PCCA: variants seen among roughly 807,000 people sequenced by gnomAD.
PCCA encodes propionyl-CoA carboxylase alpha chain, mitochondrial.
A neutral mutation model predicts 101.3 loss-of-function variants in PCCA; 74 were observed. The ratio of observed to expected loss-of-function variants is 0.73; its 90% confidence interval spans 0.61 to 0.89. The LOEUF is 0.89. PCCA is among the 40% of genes least tolerant of loss of function. The pLI, the probability that PCCA is intolerant of heterozygous loss-of-function variation, is 0.00. For missense variants in PCCA, 891 were observed against 907.0 expected (o/e 0.98, Z 0.23); for synonymous variants, 294 against 313.6 (o/e 0.94, Z 0.66).
At chr13:100,255,872 C>T (rs191084743) in intron 8 of PCCA, among the ~76,000 whole-genome samples, 45 of 152,260 alleles carry the variant, frequency 3.0e-4, no homozygotes, top group African/African-American at 9.9e-4. Context: ...TTTCCCCTAC[C>T]ATCCTGCAGA....
chr13:100,150,955 T>G, intron 4 of PCCA: 1 of 1,518,874 alleles, frequency 6.6e-7, no homozygotes, highest in African/African-American at 1.4e-5. Flanking sequence ...GTCAGCGCGC[T>G]TTATCAGGCT....
In PCCA at chr13:100,413,285, G is replaced by A. The variant is rs186518533; in HGVS notation, c.1747-12348G>A. 5.6e-4 allele frequency among the ~76,000 whole-genome samples: 85 copies of A among 152,290 alleles called. 1 individual carries two copies. Among genetic ancestry groups the A allele is most frequent in the African/African-American group, 1.9e-3 (78 of 41,570 alleles). On this transcript the variant is annotated intron_variant, in intron 19 of 23. Coordinates refer to ENST00000376285, the MANE Select transcript of PCCA (RefSeq NM_000282.4). Reference sequence around the variant, plus strand: ...TGTGGGAATTAGGCAAAGGAAATACGTAGCCATTTTTATGGACGTCTTATA... The same window carrying A: ...TGTGGGAATTAGGCAAAGGAAATACATAGCCATTTTTATGGACGTCTTATA...
intron 21 of PCCA, among the ~76,000 whole-genome samples, chr13:100,487,038 C>T (rs2084435841): frequency 2.0e-5 from 3 of 152,174 alleles, no homozygotes; most frequent in Non-Finnish European, 4.4e-5. Flanking sequence ...TTATAATGAG[C>T]ATATCCCTTA....
At chr13:100,134,895 C>A (rs1489425902) in intron 4 of PCCA, among the ~76,000 whole-genome samples, 1 of 147,386 alleles carries the variant, frequency 6.8e-6, no homozygotes, top group Non-Finnish European at 1.5e-5. Flanking sequence ...ATATGCAGAT[C>A]CTGCACATGC....
intron 19 of PCCA, among the ~76,000 whole-genome samples, chr13:100,410,004 C>T (rs2077932664): frequency 6.6e-6 from 1 of 152,046 alleles, no homozygotes; most frequent in South Asian, 2.1e-4. Context: ...AAGTGATCCA[C>T]CCACCTCAGC....
At chr13:100,438,673 G>C (rs2080121088) in intron 20 of PCCA, among the ~76,000 whole-genome samples, 1 of 151,740 alleles carries the variant, frequency 6.6e-6, no homozygotes, top group African/African-American at 2.4e-5. Context: ...GCCAGTAACA[G>C]AGTGGGTTAT....
chr13:100,455,473 G>T (rs1264987639), intron 21 of PCCA, among the ~76,000 whole-genome samples: 1 of 152,030 alleles, frequency 6.6e-6, no homozygotes, highest in Non-Finnish European at 1.5e-5. Flanking sequence ...TTATATTCTG[G>T]AATCATCTGT....
rs565610828 is a variant in PCCA at position 100,525,808 on chromosome 13, A to G, written c.2041-1867A>G. Among the ~76,000 whole-genome samples, 9 of 152,234 alleles carry G rather than the reference A, an allele frequency of 5.9e-5. No homozygotes were observed. The East Asian group carries it at 1.5e-3, about 26-fold the overall frequency. ...GTCCTGGGCCCTCAGATGCCTGCAG[A>G]GGAAGGGCTGGGTGGGTGTTTGGGA... On this transcript the variant is annotated intron_variant, in intron 22 of 23. Coordinates refer to ENST00000376285, the MANE Select transcript of PCCA (RefSeq NM_000282.4).
At chr13:100,105,373 A>G (rs538472326) in intron 2 of PCCA, among the ~76,000 whole-genome samples, 2 of 152,182 alleles carry the variant, frequency 1.3e-5, no homozygotes, top group East Asian at 1.9e-4. Flanking sequence ...TTGCATTCCA[A>G]TCTCGAAGTA....
chr13:100,228,056 C>T (rs1186612886), intron 7 of PCCA, among the ~76,000 whole-genome samples: 1 of 152,008 alleles, frequency 6.6e-6, no homozygotes, highest in East Asian at 1.9e-4. Context: ...TGCTCTTTCA[C>T]CCAGGCTGGA....
chr13:100,369,042 G>C (rs758121076), intron 19 of PCCA, among the ~76,000 whole-genome samples: 2 of 152,124 alleles, frequency 1.3e-5, no homozygotes, highest in Non-Finnish European at 2.9e-5. Flanking sequence ...CTTGGATATA[G>C]GGTCCAAGAT....
At chr13:100,186,453 A>C (rs1003619532) in intron 6 of PCCA, among the ~76,000 whole-genome samples, 4 of 152,168 alleles carry the variant, frequency 2.6e-5, no homozygotes, top group Non-Finnish European at 4.4e-5. Context: ...TGGAAAGTAC[A>C]AAATAGGGGC....
intron 20 of PCCA, among the ~76,000 whole-genome samples, chr13:100,444,049 T>G (rs1402110887): frequency 6.6e-6 from 1 of 152,090 alleles, no homozygotes; most frequent in African/African-American, 2.4e-5. Context: ...TGACCTGGGT[T>G]TATAATTCCT....
At chr13:100,523,840 C>T (rs573932913) in intron 22 of PCCA, among the ~76,000 whole-genome samples, 16 of 152,344 alleles carry the variant, frequency 1.1e-4, no homozygotes, top group African/African-American at 3.8e-4. Context: ...ACATTGGAGA[C>T]ATCCTGTCAC....
rs74113844 is a variant in PCCA at position 100,216,455 on chromosome 13, C to T, written c.600+6992C>T. On this transcript the variant is annotated intron_variant, in intron 7 of 23. Transcript: ENST00000376285. ...GTAAATGTCTCCTTCCTACACGGAGCGTAAGCTTCTGATGGCAGGGATGCT... is the reference window on the plus strand; with the variant it reads ...GTAAATGTCTCCTTCCTACACGGAGTGTAAGCTTCTGATGGCAGGGATGCT... Among the ~76,000 whole-genome samples, 1,140 of 152,318 alleles carry T rather than the reference C, an allele frequency of 7.5e-3. 14 individuals carry two copies. Among genetic ancestry groups the T allele is most frequent in the African/African-American group, 0.026 (1,088 of 41,572 alleles).
intron 6 of PCCA, among the ~76,000 whole-genome samples, chr13:100,181,093 T>C (rs1317152004): frequency 6.6e-6 from 1 of 152,186 alleles, no homozygotes; most frequent in Non-Finnish European, 1.5e-5. Context: ...GCAGCCATAT[T>C]GTGACCATGA....
chr13:100,209,517 C>T, intron 7 of PCCA, 54 bp downstream of exon 7: 1 of 1,490,762 alleles, frequency 6.7e-7, no homozygotes, highest in Non-Finnish European at 9.4e-7. Context: ...AACATTTTGT[C>T]AAAAGTATAA....
chr13:100,458,443 A>G (rs113083211), intron 21 of PCCA, among the ~76,000 whole-genome samples: 370 of 7,236 alleles, frequency 0.051, 16 homozygotes, highest in East Asian at 0.41. Context: ...ACACACATAC[A>G]CACACACACA....
intron 1 of PCCA, among the ~76,000 whole-genome samples, chr13:100,091,866 T>G (rs2046309314): frequency 6.6e-6 from 1 of 152,226 alleles, no homozygotes; most frequent in Admixed American, 6.5e-5. Context: ...GATGTTGGTT[T>G]TATGGTAATT....
Sources: gnomAD v4.1 joint callset for allele counts (sites outside exome capture counted in the v4.1 genomes callset) on GRCh38, gnomAD v4.1.1 for gene constraint, MANE v1.5 for transcripts, NCBI Gene and HGNC (gene_info 2026-07-23, HGNC 2026-07-21) for gene names.